Variants in GPER1 observed in about 807,000 individuals in gnomAD.
GPER1 encodes G protein-coupled receptor 30.
In GPER1, 2 loss-of-function variants were observed where a neutral mutation model predicts 0.6. The ratio of observed to expected loss-of-function variants is 3.41; its 90% CI spans 1.39 to 10.72. GPER1 has a LOEUF of 10.72. GPER1 is among the 30% of genes most tolerant of loss of function. The probability of loss-of-function intolerance (pLI) is 0.04; values close to 1 mark genes in which losing one functional copy is unlikely to be tolerated. For synonymous variants in GPER1, 263 were observed against 247.6 expected (o/e 1.06, Z -0.58); for missense variants, 441 against 535.2 (o/e 0.82, Z 1.74).
rs916775674 is a variant in GPER1 at position 1,088,486 on chromosome 7, C to T, written c.-323+165C>T. Among the ~76,000 whole-genome samples, 5 of 152,178 alleles carry T rather than the reference C, an allele frequency of 3.3e-5. No individual in the cohort carries two copies. Among genetic ancestry groups the T allele is most frequent in the African/African-American group, 1.2e-4 (5 of 41,448 alleles). On this transcript the variant is annotated intron_variant, in intron 1 of 1. Coordinates refer to ENST00000397088, the MANE Select transcript of GPER1 (RefSeq NM_001098201.3). This position sits in a 1 kb window ranked among gnomAD's most constrained non-coding sequence, Gnocchi z 4.5. ...GCTTCCCAAACTCAAGGCACAGACC[C>T]CTCTCCCCCGGAGCTCCGGTGGTCT...
rs1400350200 is a variant in GPER1, at chr7:1,093,440, T to C, written c.*584T>C. 2.2e-6 allele frequency: 1 copy of C among 464,208 alleles called. No homozygotes were observed. Among genetic ancestry groups the C allele is most frequent in the East Asian group, 7.0e-5 (1 of 14,188 alleles). 28.8% of individuals were successfully genotyped at this position (464,208 alleles called of 1,614,324 possible). On this transcript the variant is annotated 3_prime_UTR_variant, in exon 2 of 2. Coordinates refer to ENST00000397088, the MANE Select transcript of GPER1 (RefSeq NM_001098201.3). ...GTGCACGCCTGAGCGTCCTCCATCT[T>C]CCAGGATGGCAGCAATGGCGCTGTG...
chr7:1,093,144 C>T lies in GPER1; in HGVS notation c.*288C>T, dbSNP rs1788193323. On this transcript the variant is annotated 3_prime_UTR_variant, in exon 2 of 2. Coordinates refer to ENST00000397088, the MANE Select transcript of GPER1 (RefSeq NM_001098201.3). Reference sequence around the variant, plus strand: ...AGCCTGTCACCCAGCTCCTCCCCGCCAACCCTGCCTGCCGCTGCACCTGCC... The same window carrying T: ...AGCCTGTCACCCAGCTCCTCCCCGCTAACCCTGCCTGCCGCTGCACCTGCC... 1 of 619,062 alleles carries T rather than the reference C, an allele frequency of 1.6e-6. No individual in the cohort carries two copies. Among genetic ancestry groups the T allele is most frequent in the Admixed American group, 2.1e-5 (1 of 46,914 alleles). 38.3% of individuals were successfully genotyped at this position (619,062 alleles called of 1,614,324 possible).
rs1267666936 is a variant in GPER1 at position 1,091,918 on chromosome 7, C to T, written c.190C>T (p.Leu64Phe). The T allele has an allele frequency of 5.0e-6, 8 of 1,613,978 alleles. No individual in the cohort carries two copies. The highest frequency in any genetic ancestry group is 6.8e-6 in the Non-Finnish European group (8 of 1,179,942). ...QYVIGLFLSC[L>F]YTIFLFPIGF... ...CGTGATCGGCCTGTTCCTCTCGTGC[C>T]TCTACACCATCTTCCTCTTCCCCAT... Residue 64 changes from leucine to phenylalanine, a missense_variant, in exon 2 of 2, where the codon CTC (leucine) becomes TTC (phenylalanine). Coordinates refer to ENST00000397088, the MANE Select transcript of GPER1 (RefSeq NM_001098201.3).
rs369412581 is a variant in GPER1 at position 1,092,872 on chromosome 7, T to G, written c.*16T>G. Reference sequence around the variant, plus strand: ...TGCCGTGTAGACAGCCTTGGCCGCATAGGCCCAGCCAGGGTGTGACTCGGG... The same window carrying G: ...TGCCGTGTAGACAGCCTTGGCCGCAGAGGCCCAGCCAGGGTGTGACTCGGG... On this transcript the variant is annotated 3_prime_UTR_variant, in exon 2 of 2. Transcript: ENST00000397088. The G allele has an allele frequency of 6.2e-7, 1 of 1,606,332 alleles. No individual in the cohort carries two copies. The highest frequency in any genetic ancestry group is 1.1e-5 in the South Asian group (1 of 90,484).
intron 1 of GPER1, among the ~76,000 whole-genome samples, chr7:1,091,159 G>A (rs150299219): frequency 2.0e-4 from 31 of 152,288 alleles, no homozygotes; most frequent in African/African-American, 6.7e-4. Flanking sequence ...AGTGACTCAC[G>A]TCCAGCCTCC....
In GPER1 at chr7:1,088,707, T is replaced by C. The variant is rs1444506933; in HGVS notation, c.-323+386T>C. Among the ~76,000 whole-genome samples the C allele has an allele frequency of 6.6e-6, 1 of 152,178 alleles. No homozygotes were observed. Among genetic ancestry groups the C allele is most frequent in the Non-Finnish European group, 1.5e-5 (1 of 68,034 alleles). ...GAAGCCCTGGGAGGGCCACACGCCTTTTGACAGATGCAGACTTAATACAGC... is the reference window on the plus strand; with the variant it reads ...GAAGCCCTGGGAGGGCCACACGCCTCTTGACAGATGCAGACTTAATACAGC... On this transcript the variant is annotated intron_variant, in intron 1 of 1. Transcript: ENST00000397088. This position sits in a 1 kb window ranked among gnomAD's most constrained non-coding sequence, Gnocchi z 4.5.
chr7:1,087,493 A>G (rs961502687), upstream of GPER1, among the ~76,000 whole-genome samples: 1 of 152,278 alleles, frequency 6.6e-6, no homozygotes, highest in African/African-American at 2.4e-5. Context: ...AACACTTTTA[A>G]CAATTTCATG....
chr7:1,088,689 T>C lies in GPER1; in HGVS notation c.-323+368T>C, dbSNP rs1214584417. 1.3e-5 allele frequency among the ~76,000 whole-genome samples: 2 copies of C among 152,152 alleles called. No homozygotes were observed. Among genetic ancestry groups the C allele is most frequent in the Non-Finnish European group, 2.9e-5 (2 of 68,026 alleles). On this transcript the variant is annotated intron_variant, in intron 1 of 1. Transcript: ENST00000397088. The surrounding 1 kb of genome is among the most constrained non-coding windows in gnomAD (Gnocchi z 4.5). Reference sequence around the variant, plus strand: ...GTCACTCTCACCAACCCTGAAGCCCTGGGAGGGCCACACGCCTTTTGACAG... The same window carrying C: ...GTCACTCTCACCAACCCTGAAGCCCCGGGAGGGCCACACGCCTTTTGACAG...
chr7:1,089,576 G>A (rs1393976492), intron 1 of GPER1, among the ~76,000 whole-genome samples: 2 of 151,998 alleles, frequency 1.3e-5, no homozygotes, highest in African/African-American at 4.8e-5. Context: ...ACACCACTAT[G>A]CCCAGCTACT....
Position 1,092,121 on chromosome 7 carries a change from C to T in GPER1, c.393C>T (p.Thr131=). Residue 131 remains threonine, a synonymous_variant, in exon 2 of 2, where the codon ACC becomes ACT. Transcript: ENST00000397088. ...ERYYDIAVLC[T]FMSLFLQVNM... is the part of the protein sequence containing the mutation. ...ACTACGACATCGCCGTCCTGTGCAC[C>T]TTCATGTCGCTCTTCCTGCAGGTCA... The T allele has an allele frequency of 1.2e-6, 2 of 1,613,816 alleles. No individual in the cohort carries two copies. Among genetic ancestry groups the T allele is most frequent in the Non-Finnish European group, 1.7e-6 (2 of 1,180,022 alleles).
At chr7:1,087,257 G>A (rs984253951), upstream of GPER1, 1 of 152,258 alleles carries the variant, frequency 6.6e-6, no homozygotes, top group Non-Finnish European at 1.5e-5. Flanking sequence ...AAGTTCCGAC[G>A]CTTCTGCAGC....
chr7:1,090,636 C>T (rs193075458), intron 1 of GPER1, among the ~76,000 whole-genome samples: 100 of 152,240 alleles, frequency 6.6e-4, no homozygotes, highest in African/African-American at 2.1e-3. Context: ...GTGACGGGAC[C>T]CTCCCCACTG....
In GPER1 at chr7:1,092,184, C is replaced by T; in HGVS notation, c.456C>T (p.Ser152=). 1 of 1,613,312 alleles carries T rather than the reference C, an allele frequency of 6.2e-7. No individual in the cohort carries two copies. The highest frequency in any genetic ancestry group is 8.5e-7 in the Non-Finnish European group (1 of 1,180,004). The change falls in exon 2 of 2, where the codon AGC becomes AGT. Residue 152 remains serine (S), a synonymous_variant. Transcript: ENST00000397088. ...GCGTCTTCTTCCTCACCTGGATGAG[C>T]TTCGACCGCTACATCGCCCTGGCCA... The part of the protein sequence containing the change: ...YSSVFFLTWM[S]FDRYIALARA...
Position 1,092,756 on chromosome 7 carries a change from C to T in GPER1, c.1028C>T (p.Thr343Ile). 6.2e-7 allele frequency: 1 copy of T among 1,613,690 alleles called. No homozygotes were observed. Among genetic ancestry groups the T allele is most frequent in the Non-Finnish European group, 8.5e-7 (1 of 1,180,028 alleles). Residue 343 changes from threonine to isoleucine, a missense_variant, in exon 2 of 2, where the codon ACA (threonine) becomes ATA (isoleucine). By Grantham distance (89) the Thr-to-Ile change is moderately conservative. Transcript: ENST00000397088. ...DKLRLYIEQK[T>I]NLPALNRFCH... is the part of the protein sequence containing the mutation. ...CTGAGGCTGTACATTGAGCAGAAAA[C>T]AAATTTGCCGGCCCTGAACCGCTTC...
chr7:1,092,314 G>A lies in GPER1; in HGVS notation c.586G>A (p.Val196Met). Residue 196 changes from valine to methionine, a missense_variant, in exon 2 of 2, where the codon GTG (valine) becomes ATG (methionine). Val to Met is a conservative substitution (Grantham distance 21). Transcript: ENST00000397088. The part of the protein sequence containing the change: ...VSATLVPFTA[V>M]HLQHTDEACF... The stretch of plus-strand genomic sequence containing the variant: ...AGCCACGCTGGTGCCCTTCACCGCC[G>A]TGCACCTGCAGCACACCGACGAGGC... The A allele has an allele frequency of 3.1e-6, 5 of 1,611,760 alleles. No homozygotes were observed. The highest frequency in any genetic ancestry group is 2.2e-5 in the East Asian group (1 of 44,858).
chr7:1,093,264 A>G lies in GPER1; in HGVS notation c.*408A>G. On this transcript the variant is annotated 3_prime_UTR_variant, in exon 2 of 2. Coordinates refer to ENST00000397088, the MANE Select transcript of GPER1 (RefSeq NM_001098201.3). ...GCGCCTCAGTTACACAGGAACCCTA[A>G]AGCAAATCTGCCACCGTGGGGGAAC... 1 of 450,842 alleles carries G rather than the reference A, an allele frequency of 2.2e-6. No individual in the cohort carries two copies. 27.9% of individuals were successfully genotyped at this position (450,842 alleles called of 1,614,324 possible). A position where few individuals can be genotyped will look rare whatever the true frequency, so the allele number is the denominator to read the frequency against.
Position 1,093,072 on chromosome 7 carries a change from C to T in GPER1, c.*216C>T, listed in dbSNP as rs1311574081. Reference sequence around the variant, plus strand: ...TTGCACTCCTCACACAGAATTGCTACAATCCCAAAGCGCTCGCCCCGCAGG... The same window carrying T: ...TTGCACTCCTCACACAGAATTGCTATAATCCCAAAGCGCTCGCCCCGCAGG... On this transcript the variant is annotated 3_prime_UTR_variant, in exon 2 of 2. Transcript: ENST00000397088. The T allele has an allele frequency of 1.4e-6, 1 of 703,200 alleles. No individual in the cohort carries two copies. The highest frequency in any genetic ancestry group is 2.6e-6 in the Non-Finnish European group (1 of 379,702). The allele number at this position is 703,200 out of a possible 1,614,324, so 43.6% of individuals were successfully genotyped here.
chr7:1,089,584 A>C (rs1460129073), intron 1 of GPER1, among the ~76,000 whole-genome samples: 1 of 151,674 alleles, frequency 6.6e-6, no homozygotes, highest in East Asian at 1.9e-4. Flanking sequence ...ATGCCCAGCT[A>C]CTTTTTTTGT....
In GPER1 at chr7:1,088,686, C is replaced by T. The variant is rs149251684; in HGVS notation, c.-323+365C>T. 5.4e-3 allele frequency among the ~76,000 whole-genome samples: 825 copies of T among 152,350 alleles called. 8 individuals are homozygous for T. Among genetic ancestry groups the T allele is most frequent in the African/African-American group, 0.019 (783 of 41,572 alleles). On this transcript the variant is annotated intron_variant, in intron 1 of 1. Coordinates refer to ENST00000397088, the MANE Select transcript of GPER1 (RefSeq NM_001098201.3). The surrounding 1 kb of genome is among the most constrained non-coding windows in gnomAD (Gnocchi z 4.5). The stretch of plus-strand genomic sequence containing the variant: ...CCAGTCACTCTCACCAACCCTGAAG[C>T]CCTGGGAGGGCCACACGCCTTTTGA...
Sources: gnomAD v4.1 joint callset for allele counts (sites outside exome capture counted in the v4.1 genomes callset) on GRCh38, gnomAD v4.1.1 for gene constraint, Gnocchi (gnomAD v3.1) non-coding constraint, MANE v1.5 for transcripts, NCBI Gene and HGNC (gene_info 2026-07-23, HGNC 2026-07-21) for gene names.